SGCE: variants seen among roughly 807,000 people sequenced by gnomAD.
SGCE encodes the protein epsilon-sarcoglycan.
Under a neutral mutation model 57.8 loss-of-function variants are expected in SGCE, and 26 were observed. The observed-to-expected ratio is 0.45, with a 90% CI of 0.33 to 0.62. The LOEUF (loss-of-function observed/expected upper bound fraction) is 0.62, where lower values mean the gene tolerates loss of function less well. Among genes scored for constraint, SGCE ranks in the 20% least tolerant of loss-of-function variants. SGCE has a pLI of 0.02. For synonymous variants in SGCE, 183 were observed against 189.5 expected (o/e 0.97, Z 0.28); for missense variants, 468 against 548.6 (o/e 0.85, Z 1.47).
In SGCE at chr7:94,618,850, C is replaced by T; in HGVS notation, c.570G>A (p.Val190=). Residue 190 remains valine (V), a synonymous_variant, in exon 5 of 11, where the codon GTG becomes GTA. Coordinates refer to ENST00000648936, the MANE Select transcript of SGCE (RefSeq NM_003919.3). ...TGGCGTTCAGGCGCTCTGGCTGCCACACATTTTTCACTGCGCCAAGAAAGT... is the reference window on the plus strand; with the variant it reads ...TGGCGTTCAGGCGCTCTGGCTGCCATACATTTTTCACTGCGCCAAGAAAGT... The part of the protein sequence containing the change: ...LGDFLGAVKN[V]WQPERLNAIN... 1 of 1,614,052 alleles carries T rather than the reference C, an allele frequency of 6.2e-7. No homozygotes were observed. Among genetic ancestry groups the T allele is most frequent in the Non-Finnish European group, 8.5e-7 (1 of 1,179,968 alleles).
chr7:94,613,106 T>C (rs1395286946), intron 5 of SGCE, among the ~76,000 whole-genome samples: 3 of 152,206 alleles, frequency 2.0e-5, no homozygotes, highest in Non-Finnish European at 4.4e-5. Flanking sequence ...ATGAAAAGCA[T>C]TATACCAGTT....
intron 5 of SGCE, among the ~76,000 whole-genome samples, chr7:94,615,835 C>T (rs1201368862): frequency 6.6e-6 from 1 of 152,174 alleles, no homozygotes; most frequent in Non-Finnish European, 1.5e-5. Context: ...AAATATGAAC[C>T]TGCTCTTCTT....
At chr7:94,613,028 A>G (rs1014212757) in intron 5 of SGCE, among the ~76,000 whole-genome samples, 2 of 152,192 alleles carry the variant, frequency 1.3e-5, no homozygotes, top group African/African-American at 4.8e-5. Context: ...ACAGCCCCTT[A>G]ATGGTGCTCC....
intron 5 of SGCE, among the ~76,000 whole-genome samples, chr7:94,603,688 A>G (rs1223718035): frequency 6.6e-6 from 1 of 152,122 alleles, no homozygotes; most frequent in African/African-American, 2.4e-5. Context: ...TCTCCATTCT[A>G]TGTTAATTTC....
chr7:94,654,133 TAG>T (rs926082173), intron 1 of SGCE, among the ~76,000 whole-genome samples: 1 of 152,176 alleles, frequency 6.6e-6, no homozygotes, highest in African/African-American at 2.4e-5. Flanking sequence ...ACCTTTTCTT[TAG>T]AGTTTTCTAG....
At chr7:94,610,649 T>A (rs964873028) in intron 5 of SGCE, among the ~76,000 whole-genome samples, 1 of 151,872 alleles carries the variant, frequency 6.6e-6, no homozygotes, top group East Asian at 1.9e-4. Flanking sequence ...AGAAAAAAAA[T>A]AAATTGAACT....
chr7:94,629,894 C>T (rs1158414359), intron 1 of SGCE, 53 bp from the exon 2 acceptor site: 1 of 1,601,714 alleles, frequency 6.2e-7, no homozygotes, highest in Admixed American at 1.7e-5. Context: ...TGAGATACGC[C>T]CTTGATAATT....
At chr7:94,592,468 A>AG (rs1797834936) in intron 9 of SGCE, among the ~76,000 whole-genome samples, 1 of 152,198 alleles carries the variant, frequency 6.6e-6, no homozygotes, top group African/African-American at 2.4e-5. Context: ...TATTAGACTA[A>AG]GTGAAAAGTT....
intron 5 of SGCE, among the ~76,000 whole-genome samples, chr7:94,614,107 CAAAAAA>C (rs925650428): frequency 1.3e-4 from 12 of 94,932 alleles, no homozygotes; most frequent in South Asian, 3.9e-4. Flanking sequence ...AAATTGAAAT[CAAAAAA>C]AAAAAAAAAA....
intron 1 of SGCE, among the ~76,000 whole-genome samples, chr7:94,634,544 C>T (rs546367756): frequency 3.3e-4 from 51 of 152,280 alleles, no homozygotes; most frequent in African/African-American, 1.2e-3. Context: ...TCTCTATCCC[C>T]TCTAATTTGC....
At position 94,629,817 on chromosome 7, in the gene SGCE, T is replaced by G. The variant is rs764776893; in HGVS notation, c.134A>C (p.His45Pro). ...LTVYSIFSKV[H>P]SDRNVYPSAG... Reference sequence around the variant, plus strand: ...TGATGGGTATACATTCCGATCGGAGTGTACCTTGGAGAAAATACTGTACAC... The same window carrying G: ...TGATGGGTATACATTCCGATCGGAGGGTACCTTGGAGAAAATACTGTACAC... Residue 45 changes from histidine (H) to proline (P), a missense_variant, in exon 2 of 11, where the codon CAC (histidine) becomes CCC (proline). By Grantham distance (77) the His-to-Pro change is moderately conservative (BLOSUM62 -2). Transcript: ENST00000648936. 5 of 1,610,810 alleles carry G rather than the reference T, an allele frequency of 3.1e-6. No individual in the cohort carries two copies. The highest frequency in any genetic ancestry group is 4.2e-6 in the Non-Finnish European group (5 of 1,177,716).
chr7:94,637,059 CAA>C (rs1161470203), intron 1 of SGCE, among the ~76,000 whole-genome samples: 18 of 93,298 alleles, frequency 1.9e-4, no homozygotes, highest in Non-Finnish European at 1.6e-4. Context: ...AACTCCATCT[CAA>C]AAAAAAAAAA....
chr7:94,598,941 C>G lies in SGCE; in HGVS notation c.1087G>C (p.Ala363Pro). The G allele has an allele frequency of 6.2e-7, 1 of 1,613,696 alleles. No homozygotes were observed. The highest frequency in any genetic ancestry group is 8.5e-7 in the Non-Finnish European group (1 of 1,179,756). ...TPDIQLVHHS[A>P]IQKSTKELRD... ...AGCTCCTTGGTAGATTTCTGAATAG[C>G]ACTGTGATGGACCAGTTGGATGCTA... The change falls in exon 9 of 11, where the codon GCT (alanine) becomes CCT (proline). Residue 363 changes from alanine (A) to proline (P), a missense_variant. Transcript: ENST00000648936.
intron 1 of SGCE, among the ~76,000 whole-genome samples, chr7:94,645,543 A>G (rs1260463461): frequency 6.6e-6 from 1 of 152,212 alleles, no homozygotes; most frequent in African/African-American, 2.4e-5. Context: ...GAATGCCAGA[A>G]GAAGCTAAAA....
intron 3 of SGCE, chr7:94,626,381 T>C: frequency 6.6e-6 from 1 of 152,236 alleles, no homozygotes; most frequent in East Asian, 1.9e-4. Context: ...TACATTTTAA[T>C]ATAATTGTTT....
intron 1 of SGCE, among the ~76,000 whole-genome samples, chr7:94,636,599 C>A (rs1298357288): frequency 6.6e-6 from 1 of 152,158 alleles, no homozygotes; most frequent in African/African-American, 2.4e-5. Context: ...GTCCCCTACT[C>A]CCATTCCAGG....
intron 1 of SGCE, among the ~76,000 whole-genome samples, chr7:94,630,913 C>T (rs561808961): frequency 6.6e-6 from 1 of 151,864 alleles, no homozygotes; most frequent in Non-Finnish European, 1.5e-5. Context: ...TTTTTCAGCA[C>T]AAAAATAAAA....
chr7:94,599,511 A>G (rs1220584881), intron 8 of SGCE, 186 bp downstream of exon 8: 1 of 595,952 alleles, frequency 1.7e-6, no homozygotes, highest in Non-Finnish European at 3.0e-6. Flanking sequence ...TAGTTTTCAA[A>G]CCCTTTTTAG....
At chr7:94,646,748 A>G (rs1407819570) in intron 1 of SGCE, among the ~76,000 whole-genome samples, 2 of 152,232 alleles carry the variant, frequency 1.3e-5, no homozygotes, top group East Asian at 3.8e-4. Flanking sequence ...AATAAAAAAT[A>G]TAACAATGCT....
Sources: allele counts gnomAD v4.1 joint callset (sites outside exome capture counted in the v4.1 genomes callset), GRCh38; gene constraint gnomAD v4.1.1; transcripts MANE v1.5; gene names NCBI Gene and HGNC (gene_info 2026-07-23, HGNC 2026-07-21).